Variants in MAF observed in about 807,000 individuals in gnomAD.
MAF encodes the protein transcription factor Maf.
In MAF, 10 loss-of-function variants were observed where a neutral mutation model predicts 22.0. The ratio of observed to expected loss-of-function variants is 0.45; its 90% CI spans 0.28 to 0.77. The LOEUF (loss-of-function observed/expected upper bound fraction) is 0.77, where lower values mean the gene tolerates loss of function less well. Ranked by LOEUF, MAF falls within the 30% of genes least tolerant of loss-of-function variation. The pLI is 0.12. For synonymous variants in MAF, 337 were observed against 255.8 expected (o/e 1.32, Z -3.03); for missense variants, 544 against 548.4 (o/e 0.99, Z 0.08).
chr16:79,462,230 C>T, the MAF span, among the ~76,000 whole-genome samples: 3 of 152,168 alleles, frequency 2.0e-5, no homozygotes, highest in African/African-American at 7.2e-5. Context: ...ACATACTCTG[C>T]ACTGATTTCA....
chr16:79,447,737 G>T, the MAF span, among the ~76,000 whole-genome samples: 2 of 151,874 alleles, frequency 1.3e-5, no homozygotes, highest in South Asian at 4.2e-4. Context: ...GACTTTAACT[G>T]CAGATGTGAT....
the MAF span, among the ~76,000 whole-genome samples, chr16:79,321,269 G>C: frequency 1.3e-5 from 2 of 152,302 alleles, no homozygotes; most frequent in South Asian, 4.1e-4. Flanking sequence ...TAGGGGAATG[G>C]AATCCATCAC....
chr16:79,400,349 G>C, the MAF span, among the ~76,000 whole-genome samples: 1 of 152,142 alleles, frequency 6.6e-6, no homozygotes, highest in Non-Finnish European at 1.5e-5. Flanking sequence ...GGTGGCCTTG[G>C]ACCATTTCTG....
the MAF span, among the ~76,000 whole-genome samples, chr16:79,417,246 G>A: frequency 1.3e-5 from 2 of 152,076 alleles, no homozygotes; most frequent in Non-Finnish European, 2.9e-5. Flanking sequence ...CCATCTTGAG[G>A]TCATTAAAAA....
chr16:79,599,609 C>T lies in MAF; in HGVS notation c.294G>A (p.Pro98=), dbSNP rs2143815018. Residue 98 remains proline, a synonymous_variant, in exon 1 of 2, where the codon CCG becomes CCA. Coordinates refer to ENST00000326043, the MANE Select transcript of MAF (RefSeq NM_005360.5). ...CCAGCGCCTCGGGGTTCAGCTGCTG[C>T]GGGTAGCCGGTCATCCAGTAGTAGT... ...LEDYYWMTGY[P]QQLNPEALGF... 1.2e-6 allele frequency: 2 copies of T among 1,610,084 alleles called. No individual in the cohort carries two copies. The highest frequency in any genetic ancestry group is 1.7e-6 in the Non-Finnish European group (2 of 1,178,920).
At chr16:79,543,879 G>C in the MAF span, among the ~76,000 whole-genome samples, 9 of 151,768 alleles carry the variant, frequency 5.9e-5, no homozygotes, top group Middle Eastern at 6.8e-3. Flanking sequence ...GCAGAGACGG[G>C]GTTTCATCGT....
At chr16:79,258,862 T>A in the MAF span, among the ~76,000 whole-genome samples, 1 of 152,044 alleles carries the variant, frequency 6.6e-6, no homozygotes, top group Non-Finnish European at 1.5e-5. Flanking sequence ...GGAAGAAACC[T>A]AGATGTCAGA....
At chr16:79,293,837 A>AAGAGAGAG in the MAF span, among the ~76,000 whole-genome samples, 141 of 148,420 alleles carry the variant, frequency 9.5e-4, 1 homozygote, top group Middle Eastern at 3.4e-3. Context: ...TCTAAATGAA[A>AAGAGAGAG]AGAGAGAGAG....
At chr16:79,247,229 C>T in the MAF span, among the ~76,000 whole-genome samples, 1 of 152,262 alleles carries the variant, frequency 6.6e-6, no homozygotes, top group African/African-American at 2.4e-5. Context: ...TGAGCCTGGC[C>T]TGGTTCAAGA....
chr16:79,399,666 T>G, the MAF span, among the ~76,000 whole-genome samples: 8 of 152,116 alleles, frequency 5.3e-5, no homozygotes, highest in Admixed American at 3.3e-4. Context: ...TGATACAGTT[T>G]CCAGAGCCCT....
chr16:79,508,892 A>G, the MAF span, among the ~76,000 whole-genome samples: 1,825 of 152,234 alleles, frequency 0.012, 38 homozygotes, highest in African/African-American at 0.042. Context: ...CTTAATGGGT[A>G]TGAGGCTTCC....
the MAF span, among the ~76,000 whole-genome samples, chr16:79,396,984 T>G: frequency 6.6e-6 from 1 of 152,248 alleles, no homozygotes; most frequent in African/African-American, 2.4e-5. Flanking sequence ...TCTACCATGC[T>G]GTGGCTATGC....
chr16:79,435,573 A>AG, the MAF span, among the ~76,000 whole-genome samples: 1 of 152,186 alleles, frequency 6.6e-6, no homozygotes, highest in African/African-American at 2.4e-5. Flanking sequence ...GCATTTCCCA[A>AG]GGGGAAACTG....
chr16:79,514,731 AG>A, the MAF span, among the ~76,000 whole-genome samples: 1 of 152,194 alleles, frequency 6.6e-6, no homozygotes, highest in Admixed American at 6.5e-5. Flanking sequence ...AGGCTGTCGT[AG>A]GCGGCCTCTA....
chr16:79,210,095 A>C, the MAF span, among the ~76,000 whole-genome samples: 1 of 152,220 alleles, frequency 6.6e-6, no homozygotes, highest in African/African-American at 2.4e-5. Context: ...TCAAGCAGCC[A>C]GTTATTATCA....
the MAF span, among the ~76,000 whole-genome samples, chr16:79,222,301 A>G: frequency 6.6e-6 from 1 of 152,194 alleles, no homozygotes; most frequent in Non-Finnish European, 1.5e-5. Flanking sequence ...CGATTTTATC[A>G]CCACCAGGCC....
At chr16:79,541,663 T>G in the MAF span, among the ~76,000 whole-genome samples, 73 of 126,480 alleles carry the variant, frequency 5.8e-4, no homozygotes, top group Admixed American at 1.9e-3. Context: ...GTTTTTTTAG[T>G]TTTTTTTTTT....
the MAF span, among the ~76,000 whole-genome samples, chr16:79,220,768 G>A: frequency 2.0e-5 from 3 of 152,276 alleles, no homozygotes; most frequent in Non-Finnish European, 4.4e-5. Context: ...TACTTTTTCT[G>A]TGCTGCCTAC....
chr16:79,270,568 C>G, the MAF span, among the ~76,000 whole-genome samples: 5 of 152,140 alleles, frequency 3.3e-5, no homozygotes, highest in Admixed American at 6.5e-5. Flanking sequence ...TAGTCTTAGC[C>G]CCATCATTGC....
Sources: gnomAD v4.1 joint callset for allele counts (sites outside exome capture counted in the v4.1 genomes callset) on GRCh38, gnomAD v4.1.1 for gene constraint, MANE v1.5 for transcripts, NCBI Gene and HGNC (gene_info 2026-07-23, HGNC 2026-07-21) for gene names.